The following SGCE variants were observed in gnomAD, a reference collection of about 807,000 sequenced individuals.
The protein encoded by SGCE is epsilon-sarcoglycan.
A neutral mutation model predicts 57.8 loss-of-function variants in SGCE; 26 were observed. That is an observed-to-expected ratio of 0.45 (90% CI 0.33 to 0.62). The LOEUF is 0.62. Among genes scored for constraint, SGCE ranks in the 20% least tolerant of loss-of-function variants. SGCE has a pLI of 0.02. For synonymous variants in SGCE, 183 were observed against 189.5 expected (o/e 0.97, Z 0.28); for missense variants, 468 against 548.6 (o/e 0.85, Z 1.47).
chr7:94,635,437 C>A (rs1805474205), intron 1 of SGCE, among the ~76,000 whole-genome samples: 1 of 152,244 alleles, frequency 6.6e-6, no homozygotes, highest in Admixed American at 6.5e-5. Flanking sequence ...GTATCATCAT[C>A]CCTGATAATT....
intron 1 of SGCE, among the ~76,000 whole-genome samples, chr7:94,645,229 T>C (rs1403953269): frequency 1.3e-5 from 2 of 152,182 alleles, no homozygotes; most frequent in Non-Finnish European, 2.9e-5. Flanking sequence ...GATTTTGTTG[T>C]GCAGTCAAAG....
rs1309308055 is a variant in SGCE, at chr7:94,589,822, G to T, written c.1254-1090C>A. 4 of 180,494 alleles carry T rather than the reference G, an allele frequency of 2.2e-5. 1 individual carries two copies. The highest frequency in any genetic ancestry group is 4.5e-5 in the Non-Finnish European group (4 of 89,212). The allele number at this position is 180,494 out of a possible 1,614,324, so 11.2% of individuals were successfully genotyped here. On this transcript the variant is annotated intron_variant, in intron 9 of 10. Transcript: ENST00000648936. The stretch of plus-strand genomic sequence containing the variant: ...GCTCCCACTGATTCTACATTATGGT[G>T]AGTTATATAATATTTCATTATATAT...
At chr7:94,604,264 A>G (rs1452722187) in intron 5 of SGCE, among the ~76,000 whole-genome samples, 1 of 152,122 alleles carries the variant, frequency 6.6e-6, no homozygotes, top group South Asian at 2.1e-4. Context: ...CTACAAGTAA[A>G]TACTGTTCCT....
At chr7:94,590,265 A>G (rs1251130261) in intron 9 of SGCE, among the ~76,000 whole-genome samples, 1 of 152,164 alleles carries the variant, frequency 6.6e-6, no homozygotes, top group African/African-American at 2.4e-5. Flanking sequence ...AATTTTTAAC[A>G]TATTATTTTT....
intron 1 of SGCE, 84 bp from the exon 2 acceptor site, chr7:94,629,925 GA>G (rs1214151590): frequency 1.3e-6 from 2 of 1,511,670 alleles, no homozygotes; most frequent in African/African-American, 1.4e-5. Flanking sequence ...TGTTTATAAA[GA>G]GGGGTCTCAC....
intron 8 of SGCE, 35 bp downstream of exon 8, chr7:94,599,662 A>G (rs1798908741): frequency 1.9e-6 from 3 of 1,597,696 alleles, no homozygotes; most frequent in Non-Finnish European, 2.6e-6. Context: ...GTGGGAAAAA[A>G]TGATGAAGAA....
chr7:94,653,478 A>G (rs533743413), intron 1 of SGCE, among the ~76,000 whole-genome samples: 80 of 152,246 alleles, frequency 5.3e-4, no homozygotes, highest in Non-Finnish European at 8.5e-4. Flanking sequence ...TAAATATCTG[A>G]GAAAATCCAA....
intron 1 of SGCE, among the ~76,000 whole-genome samples, chr7:94,632,891 A>T (rs1395194659): frequency 2.0e-5 from 3 of 152,098 alleles, no homozygotes; most frequent in Admixed American, 2.0e-4. Flanking sequence ...CCACTCCAAC[A>T]CCTACAGAGG....
intron 1 of SGCE, among the ~76,000 whole-genome samples, chr7:94,632,239 C>A (rs1011134828): frequency 6.6e-6 from 1 of 151,872 alleles, no homozygotes; most frequent in Non-Finnish European, 1.5e-5. Context: ...GAAATGATTC[C>A]ATTTTCTACA....
At chr7:94,591,868 T>C (rs1797720377) in intron 9 of SGCE, among the ~76,000 whole-genome samples, 1 of 152,158 alleles carries the variant, frequency 6.6e-6, no homozygotes, top group African/African-American at 2.4e-5. Context: ...AAAGCAACTG[T>C]GTGTCTTATA....
intron 1 of SGCE, among the ~76,000 whole-genome samples, chr7:94,636,407 T>G (rs2117019921): frequency 6.6e-6 from 1 of 152,326 alleles, no homozygotes; most frequent in East Asian, 1.9e-4. Context: ...TGACAGTTAC[T>G]AACAATCAGA....
chr7:94,603,226 G>T, intron 6 of SGCE, 64 bp downstream of exon 6: 1 of 1,341,186 alleles, frequency 7.5e-7, no homozygotes, highest in Non-Finnish European at 1.1e-6. Context: ...TCAGGTTTTA[G>T]TCAAACGTTA....
At position 94,588,299 on chromosome 7, in the gene SGCE, T is replaced by C. The variant is rs143759628; in HGVS notation, c.1297+390A>G. 10 of 1,070,834 alleles carry C rather than the reference T, an allele frequency of 9.3e-6. No homozygotes were observed. In the East Asian group the frequency reaches 6.7e-4, roughly 71 times the overall value. The allele number at this position is 1,070,834 out of a possible 1,614,324, so 66.3% of individuals were successfully genotyped here. On this transcript the variant is annotated intron_variant, in intron 10 of 10. Coordinates refer to ENST00000648936, the MANE Select transcript of SGCE (RefSeq NM_003919.3). ...CTGAAGCCTCAGTGATTAGTCACAA[T>C]GGTTTCCTTTTGTAAGAGAGCTTGA...
At chr7:94,617,893 A>C (rs535467150) in intron 5 of SGCE, 1 of 152,230 alleles carries the variant, frequency 6.6e-6, no homozygotes, top group Non-Finnish European at 1.5e-5. Flanking sequence ...TCTAGATATC[A>C]CCTGTATAAA....
In SGCE at chr7:94,593,302, T is replaced by A. The variant is rs187181690; in HGVS notation, c.1254-4570A>T. ...TGTTTAGAATAATGAATAAGGAAAATTTTTGTGTAGCAAATTAATATCTTC... is the reference window on the plus strand; with the variant it reads ...TGTTTAGAATAATGAATAAGGAAAAATTTTGTGTAGCAAATTAATATCTTC... On this transcript the variant is annotated intron_variant, in intron 9 of 10. Coordinates refer to ENST00000648936, the MANE Select transcript of SGCE (RefSeq NM_003919.3). 2.0e-5 allele frequency among the ~76,000 whole-genome samples: 3 copies of A among 151,942 alleles called. 1 individual carries two copies. The highest frequency in any genetic ancestry group is 2.0e-4 in the Admixed American group (3 of 15,232).
intron 9 of SGCE, among the ~76,000 whole-genome samples, chr7:94,592,935 A>G (rs1797895092): frequency 6.6e-6 from 1 of 152,136 alleles, no homozygotes; most frequent in African/African-American, 2.4e-5. Context: ...ACAATAAGAA[A>G]TAGTTATATA....
chr7:94,617,451 C>T (rs529661843), intron 5 of SGCE: 6 of 152,292 alleles, frequency 3.9e-5, no homozygotes, highest in South Asian at 2.1e-4. Context: ...GAACACATTA[C>T]CTTAAGAAAA....
At chr7:94,606,624 C>T (rs575126814) in intron 5 of SGCE, among the ~76,000 whole-genome samples, 2 of 152,296 alleles carry the variant, frequency 1.3e-5, no homozygotes, top group South Asian at 4.1e-4. Context: ...CATCAGTCGA[C>T]AGGTTTTAAT....
intron 1 of SGCE, among the ~76,000 whole-genome samples, chr7:94,647,332 T>C (rs940595623): frequency 2.0e-5 from 3 of 152,116 alleles, no homozygotes; most frequent in African/African-American, 7.2e-5. Context: ...CCAAATTCAA[T>C]GCAACACTCA....
Sources: gnomAD v4.1 joint callset for allele counts (sites outside exome capture counted in the v4.1 genomes callset) on GRCh38, gnomAD v4.1.1 for gene constraint, MANE v1.5 for transcripts, NCBI Gene and HGNC (gene_info 2026-07-23, HGNC 2026-07-21) for gene names.